Variants in PHLDB2 observed in about 807,000 individuals in gnomAD.
PHLDB2 encodes pleckstrin homology like domain family B member 2.
Under a neutral mutation model 123.6 loss-of-function variants are expected in PHLDB2, and 71 were observed. The ratio of observed to expected loss-of-function variants is 0.57; its 90% CI spans 0.47 to 0.70. PHLDB2 has a LOEUF of 0.70. Ranked by LOEUF, PHLDB2 falls within the 30% of genes least tolerant of loss-of-function variation. The pLI is 0.00. For synonymous variants in PHLDB2, 547 were observed against 541.6 expected (o/e 1.01, Z -0.14); for missense variants, 1,446 against 1,519.5 (o/e 0.95, Z 0.80).
chr3:111,766,416 C>T (rs1171940380), intron 1 of PHLDB2, among the ~76,000 whole-genome samples: 8 of 142,476 alleles, frequency 5.6e-5, no homozygotes, highest in Admixed American at 2.9e-4. Context: ...TGCACTCCAT[C>T]GTGGGCGACA....
chr3:111,966,226 A>G (rs761476599), intron 13 of PHLDB2, among the ~76,000 whole-genome samples: 2 of 152,146 alleles, frequency 1.3e-5, no homozygotes, highest in Non-Finnish European at 2.9e-5. Flanking sequence ...AAGTCATTAA[A>G]CTAATGGGAA....
intron 2 of PHLDB2, among the ~76,000 whole-genome samples, chr3:111,910,532 A>G (rs1397295985): frequency 6.6e-6 from 1 of 152,174 alleles, no homozygotes; most frequent in African/African-American, 2.4e-5. Context: ...AGGGGGACAG[A>G]CATCACAGTT....
In PHLDB2 at chr3:111,769,560, G is replaced by A. The variant is rs114144307; in HGVS notation, c.-49+36857G>A. ...GATTACTCTATTTTCAAATAATACA[G>A]CATACGACTACAGTGCTGATAGCAA... On this transcript the variant is annotated intron_variant, in intron 1 of 17. Transcript: ENST00000393923. 5.4e-3 allele frequency among the ~76,000 whole-genome samples: 824 copies of A among 152,294 alleles called. 6 individuals are homozygous for A. The highest frequency in any genetic ancestry group is 0.019 in the African/African-American group (797 of 41,538).
At position 111,939,615 on chromosome 3, in the gene PHLDB2, C is replaced by T. The variant is rs751833890; in HGVS notation, c.2271C>T (p.Asn757=). ...GTGAAGTTGCTGAATATCAACGGAA[C>T]ATCGTTTCTAGAAAGGTACTTTTTC... ...LLREVAEYQR[N]IVSRKEKISA... Residue 757 remains asparagine, a synonymous_variant, in exon 7 of 18, where the codon AAC becomes AAT. Transcript: ENST00000431670. The T allele has an allele frequency of 3.7e-6, 6 of 1,607,614 alleles. No homozygotes were observed. The African/African-American group carries it at 5.4e-5, about 14-fold the overall frequency.
Position 111,919,189 on chromosome 3 carries a change from G to T in PHLDB2, c.1837G>T (p.Asp613Tyr), listed in dbSNP as rs1160303709. ...ELKQKIKDINDQMDESFRELD... is the reference protein window; with the variant it reads ...ELKQKIKDINYQMDESFRELD... The stretch of plus-strand genomic sequence containing the variant: ...TAAGCAAAAAATCAAAGACATAAAT[G>T]ATCAGATGGATGAGTCTTTCAGAGA... The change falls in exon 4 of 18, where the codon GAT becomes TAT. Residue 613 changes from aspartate (D) to tyrosine (Y), a missense_variant. By Grantham distance (160) the Asp-to-Tyr change is radical (BLOSUM62 -3). Coordinates refer to ENST00000431670, the MANE Select transcript of PHLDB2 (RefSeq NM_001134438.2). 1 of 1,614,122 alleles carries T rather than the reference G, an allele frequency of 6.2e-7. No individual in the cohort carries two copies. Among genetic ancestry groups the T allele is most frequent in the Non-Finnish European group, 8.5e-7 (1 of 1,179,968 alleles).
intron 13 of PHLDB2, among the ~76,000 whole-genome samples, chr3:111,962,561 C>T (rs2071469642): frequency 6.6e-6 from 1 of 152,148 alleles, no homozygotes. Context: ...CACTTGAGCT[C>T]AAATTTACAC....
intron 1 of PHLDB2, among the ~76,000 whole-genome samples, chr3:111,876,185 C>G (rs561052465): frequency 6.6e-6 from 1 of 152,176 alleles, no homozygotes; most frequent in Non-Finnish European, 1.5e-5. Flanking sequence ...GTTTTAAGGA[C>G]AGTGTTGATA....
At chr3:111,842,491 T>G (rs2063738706) in intron 1 of PHLDB2, among the ~76,000 whole-genome samples, 1 of 152,252 alleles carries the variant, frequency 6.6e-6, no homozygotes, top group African/African-American at 2.4e-5. Context: ...GTACATTCTA[T>G]GGGTTTAGAC....
chr3:111,834,134 T>TATATTA (rs1559857968), intron 1 of PHLDB2, among the ~76,000 whole-genome samples: 73 of 21,682 alleles, frequency 3.4e-3, no homozygotes, highest in East Asian at 4.9e-3. Context: ...TATATATATA[T>TATATTA]TATATGTAAT....
At chr3:111,959,973 T>A (rs1274995769) in intron 12 of PHLDB2, among the ~76,000 whole-genome samples, 1 of 152,220 alleles carries the variant, frequency 6.6e-6, no homozygotes, top group African/African-American at 2.4e-5. Context: ...TAGGGATTTG[T>A]TTTTCATACT....
intron 1 of PHLDB2, among the ~76,000 whole-genome samples, chr3:111,774,458 G>A (rs1039844469): frequency 3.3e-5 from 5 of 152,196 alleles, no homozygotes; most frequent in African/African-American, 4.8e-5. Context: ...CTAGGGATGC[G>A]AGCCCCGAGT....
In PHLDB2 at chr3:111,807,194, A is replaced by T. The variant is rs74327827; in HGVS notation, c.-48-38627A>T. ...CAATTTTCCCTTATATACAATGAGGATAATAATGTCTAATGCATAGCTCTG... is the reference window on the plus strand; with the variant it reads ...CAATTTTCCCTTATATACAATGAGGTTAATAATGTCTAATGCATAGCTCTG... On this transcript the variant is annotated intron_variant, in intron 1 of 17. Transcript: ENST00000393923. 3.7e-3 allele frequency among the ~76,000 whole-genome samples: 568 copies of T among 152,154 alleles called. 3 individuals are homozygous for T. The highest frequency in any genetic ancestry group is 0.013 in the African/African-American group (540 of 41,492).
At chr3:111,974,316 A>G in intron 17 of PHLDB2, 107 bp from the exon 18 acceptor site, 1 of 1,102,802 alleles carries the variant, frequency 9.1e-7, no homozygotes, top group Non-Finnish European at 1.2e-6. Context: ...ACGCCTTTGT[A>G]AATTTAATAA....
chr3:111,826,753 T>C (rs1576760313), intron 1 of PHLDB2, among the ~76,000 whole-genome samples: 1 of 151,880 alleles, frequency 6.6e-6, no homozygotes, highest in Non-Finnish European at 1.5e-5. Context: ...CATGTGGTGG[T>C]GGCGTGGGAG....
intron 1 of PHLDB2, among the ~76,000 whole-genome samples, chr3:111,827,967 G>A (rs187249514): frequency 6.6e-6 from 1 of 152,328 alleles, no homozygotes; most frequent in Admixed American, 6.5e-5. Context: ...GCTGACAAAG[G>A]AGGGTATAGC....
At chr3:111,909,763 T>G (rs777517167) in intron 2 of PHLDB2, among the ~76,000 whole-genome samples, 4 of 150,358 alleles carry the variant, frequency 2.7e-5, no homozygotes, top group Non-Finnish European at 5.9e-5. Flanking sequence ...ACACCAGTTA[T>G]AATAGGTCCT....
intron 1 of PHLDB2, among the ~76,000 whole-genome samples, chr3:111,743,411 C>T (rs1012906523): frequency 6.6e-6 from 1 of 152,162 alleles, no homozygotes; most frequent in Non-Finnish European, 1.5e-5. Context: ...CTCCCATACC[C>T]TAGGGACTTC....
chr3:111,751,724 A>G (rs972619469), intron 1 of PHLDB2, among the ~76,000 whole-genome samples: 5 of 151,550 alleles, frequency 3.3e-5, no homozygotes, highest in Admixed American at 2.0e-4. Context: ...GCATTAGGAG[A>G]TATACCTAAT....
intron 1 of PHLDB2, among the ~76,000 whole-genome samples, chr3:111,749,064 C>T (rs1326908308): frequency 4.0e-5 from 6 of 148,496 alleles, no homozygotes; most frequent in East Asian, 2.0e-4. Context: ...GAGCCTTTTT[C>T]ATTGAAAAAC....
Sources: gnomAD v4.1 joint callset for allele counts (sites outside exome capture counted in the v4.1 genomes callset) on GRCh38, gnomAD v4.1.1 for gene constraint, MANE v1.5 for transcripts, NCBI Gene and HGNC (gene_info 2026-07-23, HGNC 2026-07-21) for gene names.